The following RAB3IL1 variants were observed in gnomAD, a reference collection of about 807,000 sequenced individuals.
The protein encoded by RAB3IL1 is RAB3A interacting protein like 1.
Under a neutral mutation model 49.2 loss-of-function variants are expected in RAB3IL1, and 37 were observed. That is an observed-to-expected ratio of 0.75 (90% confidence interval 0.58 to 0.99). RAB3IL1 has a LOEUF of 0.99. RAB3IL1 is among the 50% of genes least tolerant of loss of function. The probability of loss-of-function intolerance (pLI) is 0.00; values close to 1 mark genes in which losing one functional copy is unlikely to be tolerated. For missense variants in RAB3IL1, 484 were observed against 513.0 expected (o/e 0.94, Z 0.55); for synonymous variants, 193 against 213.9 (o/e 0.90, Z 0.85).
At chr11:61,913,135 G>A (rs1459262857) in intron 1 of RAB3IL1, among the ~76,000 whole-genome samples, 1 of 152,046 alleles carries the variant, frequency 6.6e-6, no homozygotes, top group Admixed American at 6.5e-5. Context: ...CACTGGTTTC[G>A]GGGAGCAGCT....
chr11:61,934,356 G>GCACACA, the RAB3IL1 span, among the ~76,000 whole-genome samples: 1 of 66,446 alleles, frequency 1.5e-5, no homozygotes, highest in African/African-American at 6.5e-5. Context: ...ACACACATAT[G>GCACACA]TATATATATA....
the RAB3IL1 span, among the ~76,000 whole-genome samples, chr11:61,931,158 C>G: frequency 6.6e-6 from 1 of 152,210 alleles, no homozygotes; most frequent in Admixed American, 6.5e-5. Flanking sequence ...CTCCTCTACT[C>G]CATGCCACTG....
At chr11:61,900,438 G>A (rs895528089) in intron 8 of RAB3IL1, among the ~76,000 whole-genome samples, 5 of 152,228 alleles carry the variant, frequency 3.3e-5, no homozygotes, top group African/African-American at 1.2e-4. Context: ...GCTTCGGGGA[G>A]GGGCGGGACG....
intron 5 of RAB3IL1, among the ~76,000 whole-genome samples, chr11:61,905,615 G>A (rs1437274351): frequency 6.6e-6 from 1 of 151,702 alleles, no homozygotes; most frequent in East Asian, 1.9e-4. Context: ...AAGGGGAGAA[G>A]TTAATGTACA....
At chr11:61,922,289 G>A (rs1939926981), upstream of RAB3IL1, among the ~76,000 whole-genome samples, 1 of 152,170 alleles carries the variant, frequency 6.6e-6, no homozygotes, top group Non-Finnish European at 1.5e-5. Context: ...AGGAGGCCGA[G>A]GCGAGTGGAT....
At chr11:61,919,488 C>A (rs1939839408), upstream of RAB3IL1, among the ~76,000 whole-genome samples, 1 of 152,160 alleles carries the variant, frequency 6.6e-6, no homozygotes, top group Non-Finnish European at 1.5e-5. Flanking sequence ...AGTTAAGGAA[C>A]CTGCCTGATA....
At chr11:61,913,121 G>C (rs1939531142) in intron 1 of RAB3IL1, among the ~76,000 whole-genome samples, 1 of 152,098 alleles carries the variant, frequency 6.6e-6, no homozygotes, top group African/African-American at 2.4e-5. Flanking sequence ...ACGCTGTCGA[G>C]TGGCACTGGT....
chr11:61,937,950 T>C, the RAB3IL1 span: 1 of 152,044 alleles, frequency 6.6e-6, no homozygotes, highest in Admixed American at 6.6e-5. Context: ...AAGATTAGCG[T>C]GGCCCCTGTG....
At chr11:61,944,220 C>CTCCTTCCTTCCTTCCTTCCT in the RAB3IL1 span, among the ~76,000 whole-genome samples, 211 of 37,068 alleles carry the variant, frequency 5.7e-3, 1 homozygote, top group African/African-American at 9.1e-3. Context: ...CCTTCCTTCC[C>CTCCTTCCTTCCTTCCTTCCT]TCCTTCCTTC....
upstream of RAB3IL1, among the ~76,000 whole-genome samples, chr11:61,918,170 C>T (rs1272550723): frequency 6.6e-6 from 1 of 152,142 alleles, no homozygotes. Context: ...CACATACACA[C>T]ACCTGTCTGG....
chr11:61,904,399 G>A, intron 7 of RAB3IL1, 147 bp downstream of exon 7: 2 of 838,346 alleles, frequency 2.4e-6, no homozygotes, highest in African/African-American at 1.7e-5. Context: ...CAGGAAACCT[G>A]CCAAACTGCC....
upstream of RAB3IL1, among the ~76,000 whole-genome samples, chr11:61,918,346 C>T (rs1296197677): frequency 6.6e-6 from 1 of 152,256 alleles, no homozygotes; most frequent in Non-Finnish European, 1.5e-5. Flanking sequence ...GGTACCATGG[C>T]TCCCACCTTC....
rs373957080 is a variant in RAB3IL1 at position 61,904,794 on chromosome 11, C to T, written c.746G>A (p.Arg249Gln). 5.6e-6 allele frequency: 9 copies of T among 1,610,742 alleles called. No homozygotes were observed. Among genetic ancestry groups the T allele is most frequent in the Admixed American group, 3.4e-5 (2 of 59,442 alleles). ...KTCPFLERVY[R>Q]EDVGPCLDFT... ...GTCCAGGCAGGGGCCCACGTCCTCT[C>T]GGTACACCCTTTCCAGGAAGGGGCA... The change falls in exon 6 of 10, where the codon CGA (arginine) becomes CAA (glutamine). Residue 249 changes from arginine to glutamine, a missense_variant. Arg to Gln is a conservative substitution (Grantham distance 43). Transcript: ENST00000394836.
the RAB3IL1 span, among the ~76,000 whole-genome samples, chr11:61,944,737 A>G: frequency 2.6e-5 from 4 of 152,188 alleles, no homozygotes; most frequent in Non-Finnish European, 5.9e-5. Flanking sequence ...GCTCTTGTCA[A>G]CCAGGCTGGA....
intron 8 of RAB3IL1, among the ~76,000 whole-genome samples, chr11:61,901,068 C>T (rs1320730833): frequency 1.3e-5 from 2 of 152,026 alleles, no homozygotes; most frequent in African/African-American, 2.4e-5. Context: ...CTCAGCACAC[C>T]GCTGGGAGGA....
chr11:61,904,090 A>C (rs1939052690), intron 7 of RAB3IL1, among the ~76,000 whole-genome samples: 1 of 151,662 alleles, frequency 6.6e-6, no homozygotes, highest in Admixed American at 6.6e-5. Flanking sequence ...CCTCTCCGTG[A>C]TGAGCCTCCC....
At chr11:61,937,251 A>G in the RAB3IL1 span, among the ~76,000 whole-genome samples, 1 of 152,184 alleles carries the variant, frequency 6.6e-6, no homozygotes, top group Non-Finnish European at 1.5e-5. Context: ...ATGCTATTGA[A>G]ACTAAGTTGG....
At chr11:61,907,881 A>T (rs1939277493) in intron 2 of RAB3IL1, among the ~76,000 whole-genome samples, 173 bp downstream of exon 2, 1 of 152,172 alleles carries the variant, frequency 6.6e-6, no homozygotes, top group Non-Finnish European at 1.5e-5. Context: ...GCACGTTTGC[A>T]GTCAAGACGG....
intron 8 of RAB3IL1, among the ~76,000 whole-genome samples, chr11:61,900,482 G>A (rs1938853193): frequency 6.6e-6 from 1 of 152,204 alleles, no homozygotes; most frequent in Admixed American, 6.5e-5. Flanking sequence ...AGGTGCGAGA[G>A]AGCGGGGCGA....
Sources: allele counts gnomAD v4.1 joint callset (sites outside exome capture counted in the v4.1 genomes callset), GRCh38; gene constraint gnomAD v4.1.1; transcripts MANE v1.5; gene names NCBI Gene and HGNC (gene_info 2026-07-23, HGNC 2026-07-21).